The following VRK2 variants were observed in gnomAD, a reference collection of about 807,000 sequenced individuals.
VRK2 encodes the protein serine/threonine-protein kinase VRK2.
Under a neutral mutation model 57.6 loss-of-function variants are expected in VRK2, and 60 were observed. That is an observed-to-expected ratio of 1.04 (90% confidence interval 0.85 to 1.29). VRK2 has a LOEUF of 1.29. Ranked by LOEUF, VRK2 falls within the 50% of genes most tolerant of loss-of-function variation. VRK2 has a pLI of 0.00. For missense variants in VRK2, 705 were observed against 588.1 expected, an observed-to-expected ratio of 1.20 and a Z score of -2.06; for synonymous variants, 231 against 199.2, an observed-to-expected ratio of 1.16 and a Z score of -1.35.
intron 11 of VRK2, 41 bp from the exon 12 acceptor site, chr2:58,146,275 A>G (rs1682108147): frequency 2.0e-6 from 3 of 1,516,244 alleles, no homozygotes; most frequent in East Asian, 4.9e-5. Context: ...AGAAATACCA[A>G]AAGTTTTCAT....
chr2:58,047,338 C>T (rs890722116), intron 1 of VRK2: 2 of 826,854 alleles, frequency 2.4e-6, no homozygotes, highest in African/African-American at 1.9e-5. Context: ...CCAGTTTGCT[C>T]GGAAACTCGT....
intron 1 of VRK2, among the ~76,000 whole-genome samples, chr2:58,008,757 T>C (rs1673331703): frequency 6.6e-6 from 1 of 152,020 alleles, no homozygotes. Flanking sequence ...TTATATCTGA[T>C]AAAGGAGGAA....
intron 1 of VRK2, among the ~76,000 whole-genome samples, chr2:58,015,417 G>A (rs1033659400): frequency 4.6e-5 from 7 of 152,268 alleles, no homozygotes; most frequent in Admixed American, 4.6e-4. Flanking sequence ...GACAAATTAT[G>A]CAGACTTTCT....
At chr2:58,129,961 T>C (rs555542582) in intron 8 of VRK2, among the ~76,000 whole-genome samples, 2 of 152,310 alleles carry the variant, frequency 1.3e-5, no homozygotes, top group South Asian at 4.1e-4. Flanking sequence ...AATGTGATAA[T>C]GTATTTTAAT....
intron 7 of VRK2, among the ~76,000 whole-genome samples, chr2:58,092,250 G>C (rs1291193464): frequency 1.3e-5 from 2 of 152,118 alleles, no homozygotes; most frequent in Non-Finnish European, 2.9e-5. Flanking sequence ...TACATTTTCA[G>C]GAATGGTATA....
intron 11 of VRK2, among the ~76,000 whole-genome samples, chr2:58,143,794 C>G (rs911702643): frequency 2.0e-5 from 3 of 151,844 alleles, no homozygotes; most frequent in Admixed American, 1.3e-4. Context: ...CATTGCAACA[C>G]TATTCACAAT....
intron 2 of VRK2, among the ~76,000 whole-genome samples, chr2:58,078,408 A>T (rs1670419337): frequency 6.6e-6 from 1 of 151,964 alleles, no homozygotes; most frequent in African/African-American, 2.4e-5. Flanking sequence ...GTCCATGGCC[A>T]TTTGGGTTGC....
chr2:58,085,819 G>T (rs1671535715), intron 4 of VRK2, among the ~76,000 whole-genome samples: 2 of 151,240 alleles, frequency 1.3e-5, no homozygotes, highest in South Asian at 4.2e-4. Context: ...AATGATGAAA[G>T]TTAACTTTAT....
At chr2:58,154,260 T>C (rs1683455635) in intron 12 of VRK2, among the ~76,000 whole-genome samples, 1 of 152,036 alleles carries the variant, frequency 6.6e-6, no homozygotes, top group Admixed American at 6.6e-5. Context: ...TTCTGTATTT[T>C]TTAATTGCCA....
intron 1 of VRK2, among the ~76,000 whole-genome samples, chr2:58,000,934 T>C (rs1332358776): frequency 6.6e-6 from 1 of 152,210 alleles, no homozygotes; most frequent in Non-Finnish European, 1.5e-5. Context: ...TCATCTAGGC[T>C]AGAATAACAT....
At chr2:58,159,235 G>A (rs1030536634) in intron 12 of VRK2, 114 bp from the exon 13 acceptor site, 11 of 767,840 alleles carry the variant, frequency 1.4e-5, no homozygotes, top group Admixed American at 6.0e-5. Context: ...AAAATAACAC[G>A]CAAAAACTTG....
intron 1 of VRK2, among the ~76,000 whole-genome samples, chr2:57,941,247 A>C (rs539288685): frequency 1.5e-3 from 224 of 152,262 alleles, no homozygotes; most frequent in Non-Finnish European, 2.2e-3. Context: ...ACCTCAACTA[A>C]AGTCAGCTCC....
At chr2:57,926,833 T>A (rs190804660) in intron 1 of VRK2, among the ~76,000 whole-genome samples, 43 of 152,096 alleles carry the variant, frequency 2.8e-4, no homozygotes, top group Admixed American at 1.4e-3. Flanking sequence ...GTTTTTTGAT[T>A]AGAGTGTTTA....
chr2:58,064,758 G>A (rs1668395184), intron 2 of VRK2, among the ~76,000 whole-genome samples: 1 of 151,934 alleles, frequency 6.6e-6, no homozygotes, highest in Admixed American at 6.6e-5. Context: ...TATGTAATAG[G>A]AAAAGTTTTA....
intron 2 of VRK2, among the ~76,000 whole-genome samples, chr2:58,065,294 CT>C (rs139024647): frequency 0.013 from 1,996 of 152,208 alleles, 62 homozygotes; most frequent in African/African-American, 0.046. Flanking sequence ...CCTTTTACCC[CT>C]AATCTCTGGC....
chr2:58,021,844 T>C (rs1044023974), intron 1 of VRK2, among the ~76,000 whole-genome samples: 4 of 152,224 alleles, frequency 2.6e-5, no homozygotes, highest in African/African-American at 9.6e-5. Context: ...AAAATATGAT[T>C]GAAAGAAATT....
At chr2:57,995,222 T>C (rs1672888415) in intron 1 of VRK2, among the ~76,000 whole-genome samples, 1 of 152,198 alleles carries the variant, frequency 6.6e-6, no homozygotes, top group African/African-American at 2.4e-5. Context: ...TTCACCCATC[T>C]ATGATTTATA....
intron 1 of VRK2, among the ~76,000 whole-genome samples, chr2:57,929,968 C>T (rs1341125685): frequency 6.6e-6 from 1 of 152,000 alleles, no homozygotes; most frequent in Non-Finnish European, 1.5e-5. Flanking sequence ...TCTTCCCTCT[C>T]CTCTCCTCAA....
chr2:57,977,516 A>AATATATCT (rs1558522425), intron 1 of VRK2, among the ~76,000 whole-genome samples: 1 of 151,282 alleles, frequency 6.6e-6, no homozygotes, highest in African/African-American at 2.5e-5. Context: ...TTTGGCTTGC[A>AATATATCT]GGTTGGACAT....
Sources: gnomAD v4.1 joint callset for allele counts (sites outside exome capture counted in the v4.1 genomes callset) on GRCh38, gnomAD v4.1.1 for gene constraint, MANE v1.5 for transcripts, NCBI Gene and HGNC (gene_info 2026-07-23, HGNC 2026-07-21) for gene names.